GEMIN6: variants seen among roughly 807,000 people sequenced by gnomAD.
GEMIN6 encodes gem nuclear organelle associated protein 6.
GEMIN6 carries 13 observed loss-of-function variants against 14.1 expected under a neutral mutation model. The ratio of observed to expected loss-of-function variants is 0.92; its 90% CI spans 0.60 to 1.46. The LOEUF is 1.46. Among genes scored for constraint, GEMIN6 ranks in the 40% most tolerant of loss-of-function variants. The pLI is 0.00. For missense variants in GEMIN6, 271 were observed against 202.4 expected (o/e 1.34, Z -2.06); for synonymous variants, 87 against 70.0 (o/e 1.24, Z -1.21).
intron 2 of GEMIN6, 81 bp downstream of exon 2, chr2:38,779,199 TAAATG>T: frequency 7.4e-7 from 1 of 1,345,792 alleles, no homozygotes; most frequent in Non-Finnish European, 1.0e-6. Context: ...AGAAAGCAGA[TAAATG>T]AAAAGCTAAT....
chr2:38,782,008 TTTG>T lies in GEMIN6; in HGVS notation c.*122_*124del. The T allele has an allele frequency of 2.8e-6, 3 of 1,063,794 alleles. No individual in the cohort carries two copies. Among genetic ancestry groups the T allele is most frequent in the South Asian group, 3.5e-5 (2 of 57,220 alleles). The allele number at this position is 1,063,794 out of a possible 1,614,324, so 65.9% of individuals were successfully genotyped here. The stretch of plus-strand genomic sequence containing the variant: ...GTGTATGTGTGTGTGTGTATAATTC[TTTG>T]TTGTTTTGGTAAAATCAGAGGAGTG... On this transcript the variant is annotated 3_prime_UTR_variant, in exon 3 of 3. Coordinates refer to ENST00000281950, the MANE Select transcript of GEMIN6 (RefSeq NM_024775.10).
At chr2:38,778,853 C>A (rs1192967002) in intron 1 of GEMIN6, 119 bp from the exon 2 acceptor site, 2 of 757,236 alleles carry the variant, frequency 2.6e-6, no homozygotes, top group Non-Finnish European at 4.2e-6. Context: ...TATTAAGTTA[C>A]TTATTACGAA....
Position 38,782,660 on chromosome 2 carries a change from G to A in GEMIN6, c.*768G>A, listed in dbSNP as rs1669117263. On this transcript the variant is annotated 3_prime_UTR_variant, in exon 3 of 3. Transcript: ENST00000281950. ...AATACAAAAAAAATTAGCCGGGCGT[G>A]GTGGCAGGTGCCTGTAGTCCCAGCT... 1.3e-5 allele frequency: 2 copies of A among 151,568 alleles called. No individual in the cohort carries two copies. Among genetic ancestry groups the A allele is most frequent in the East Asian group, 4.1e-4 (2 of 4,926 alleles). 9.4% of individuals were successfully genotyped at this position (151,568 alleles called of 1,614,324 possible).
rs374104532 is a variant in GEMIN6, at chr2:38,778,239, C to T, written c.-62C>T. 1 of 152,198 alleles carries T rather than the reference C, an allele frequency of 6.6e-6. No homozygotes were observed. Among genetic ancestry groups the T allele is most frequent in the South Asian group, 2.1e-4 (1 of 4,828 alleles). The allele number at this position is 152,198 out of a possible 1,614,324, so 9.4% of individuals were successfully genotyped here. A position where few individuals can be genotyped will look rare whatever the true frequency, so the allele number is the denominator to read the frequency against. Reference sequence around the variant, plus strand: ...TCCGCTCAACGATCCTTCCTCAAAGCATGGTTGCTGAGTACCCAGAGTTGC... The same window carrying T: ...TCCGCTCAACGATCCTTCCTCAAAGTATGGTTGCTGAGTACCCAGAGTTGC... On this transcript the variant is annotated 5_prime_UTR_variant, in exon 1 of 3. Transcript: ENST00000281950.
At position 38,783,986 on chromosome 2, in the gene GEMIN6, G is replaced by A. The variant is rs1426065089; in HGVS notation, c.*2094G>A. Reference sequence around the variant, plus strand: ...GACCCAGGAATTTGCATTTCCAACAGACTCCCAGATAATGATGTTACCGTT... The same window carrying A: ...GACCCAGGAATTTGCATTTCCAACAAACTCCCAGATAATGATGTTACCGTT... On this transcript the variant is annotated 3_prime_UTR_variant, in exon 3 of 3. Coordinates refer to ENST00000281950, the MANE Select transcript of GEMIN6 (RefSeq NM_024775.10). 6.6e-6 allele frequency: 1 copy of A among 152,144 alleles called. No individual in the cohort carries two copies. Among genetic ancestry groups the A allele is most frequent in the Non-Finnish European group, 1.5e-5 (1 of 68,028 alleles). 9.4% of individuals were successfully genotyped at this position (152,144 alleles called of 1,614,324 possible). A position where few individuals can be genotyped will look rare whatever the true frequency, so the allele number is the denominator to read the frequency against.
rs111353158 is a variant in GEMIN6 at position 38,781,441 on chromosome 2, C to T, written c.129-76C>T. 9.3e-4 allele frequency: 1,258 copies of T among 1,357,072 alleles called. 14 individuals carry two copies. In the African/African-American group the frequency reaches 0.016, roughly 18 times the overall value. The allele number at this position is 1,357,072 out of a possible 1,614,324, so 84.1% of individuals were successfully genotyped here. A position where few individuals can be genotyped will look rare whatever the true frequency, so the allele number is the denominator to read the frequency against. Reference sequence around the variant, plus strand: ...CATTGGTGACAGGATTAATTTCAAACAGAGTAGAGTGTCATCTATTATTTT... The same window carrying T: ...CATTGGTGACAGGATTAATTTCAAATAGAGTAGAGTGTCATCTATTATTTT... On this transcript the variant is annotated intron_variant, in intron 2 of 2. Transcript: ENST00000281950.
In GEMIN6 at chr2:38,783,707, G is replaced by A. The variant is rs116392449; in HGVS notation, c.*1815G>A. On this transcript the variant is annotated 3_prime_UTR_variant, in exon 3 of 3. Coordinates refer to ENST00000281950, the MANE Select transcript of GEMIN6 (RefSeq NM_024775.10). ...AACATAGCTATTTTCCTGCATAGTTGTCTAATAACAAGATGGTATAGCCCA... is the reference window on the plus strand; with the variant it reads ...AACATAGCTATTTTCCTGCATAGTTATCTAATAACAAGATGGTATAGCCCA... 3.3e-5 allele frequency: 5 copies of A among 152,174 alleles called. No individual in the cohort carries two copies. The highest frequency in any genetic ancestry group is 1.2e-4 in the African/African-American group (5 of 41,506). 9.4% of individuals were successfully genotyped at this position (152,174 alleles called of 1,614,324 possible).
rs768307045 is a variant in GEMIN6 at position 38,779,125 on chromosome 2, A to G, written c.128+7A>G. 8.7e-6 allele frequency: 14 copies of G among 1,609,086 alleles called. No individual in the cohort carries two copies. Among genetic ancestry groups the G allele is most frequent in the South Asian group, 6.6e-5 (6 of 90,286 alleles). ...CAGACCCAGTCTCTGCCAAGTGAGTATGCATCCTACTTGCCTGAAATCTTG... is the reference window on the plus strand; with the variant it reads ...CAGACCCAGTCTCTGCCAAGTGAGTGTGCATCCTACTTGCCTGAAATCTTG... On this transcript the variant is annotated splice_region_variant and intron_variant, in intron 2 of 2. Coordinates refer to ENST00000281950, the MANE Select transcript of GEMIN6 (RefSeq NM_024775.10).
At chr2:38,778,878 C>G in intron 1 of GEMIN6, 94 bp from the exon 2 acceptor site, 7 of 1,093,816 alleles carry the variant, frequency 6.4e-6, no homozygotes, top group Non-Finnish European at 9.1e-6. Context: ...AGGCAAATCA[C>G]AGATGTTCTC....
intron 2 of GEMIN6, among the ~76,000 whole-genome samples, chr2:38,779,664 ATT>A (rs1166903482): frequency 1.7e-3 from 36 of 20,710 alleles, no homozygotes; most frequent in African/African-American, 6.1e-3. Context: ...ATATATATAT[ATT>A]TTTTTTTTTT....
Position 38,781,615 on chromosome 2 carries a change from A to G in GEMIN6, c.227A>G (p.His76Arg), listed in dbSNP as rs1669087849. 1.2e-6 allele frequency: 2 copies of G among 1,614,236 alleles called. No homozygotes were observed. Among genetic ancestry groups the G allele is most frequent in the East Asian group, 2.2e-5 (1 of 44,888 alleles). ...QTVETMNEGD[H>R]RVREKLMHLF... is the part of the protein sequence containing the mutation. ...GTTGAAACTATGAATGAAGGGGACC[A>G]TAGAGTGAGGGAGAAGCTGATGCAT... is the stretch of plus-strand genomic sequence containing the variant. The change falls in exon 3 of 3, where the codon CAT becomes CGT. Residue 76 changes from histidine to arginine, a missense_variant. His to Arg is a conservative substitution (Grantham distance 29). Coordinates refer to ENST00000281950, the MANE Select transcript of GEMIN6 (RefSeq NM_024775.10).
intron 2 of GEMIN6, among the ~76,000 whole-genome samples, chr2:38,780,759 G>T (rs1364629745): frequency 1.3e-5 from 2 of 151,724 alleles, no homozygotes; most frequent in Admixed American, 1.3e-4. Flanking sequence ...CTCCTAAGTA[G>T]CTGGGATTAT....
intron 2 of GEMIN6, 82 bp from the exon 3 acceptor site, chr2:38,781,435 T>G (rs750979253): frequency 8.9e-5 from 120 of 1,343,336 alleles, no homozygotes; most frequent in Admixed American, 6.6e-4. Flanking sequence ...CAGGATTAAT[T>G]TCAAACAGAG....
intron 1 of GEMIN6, 28 bp from the exon 2 acceptor site, chr2:38,778,944 T>C (rs1387393249): frequency 1.8e-5 from 28 of 1,578,500 alleles, no homozygotes; most frequent in Non-Finnish European, 2.3e-5. Flanking sequence ...GTGGAACATA[T>C]ATTAACCAGC....
chr2:38,779,144 A>T, intron 2 of GEMIN6, 26 bp downstream of exon 2: 2 of 1,598,842 alleles, frequency 1.3e-6, no homozygotes, highest in African/African-American at 1.3e-5. Context: ...ACTTGCCTGA[A>T]ATCTTGACAC....
rs535358772 is a variant in GEMIN6 at position 38,779,334 on chromosome 2, G to T, written c.128+216G>T. The T allele has an allele frequency of 1.4e-4, 70 of 490,858 alleles. 2 individuals carry two copies. Among genetic ancestry groups the T allele is most frequent in the South Asian group, 1.3e-3 (69 of 53,446 alleles). 30.4% of individuals were successfully genotyped at this position (490,858 alleles called of 1,614,324 possible). On this transcript the variant is annotated intron_variant, in intron 2 of 2. Transcript: ENST00000281950. ...TAACCTCCACCTCGCAGGTTCAAGC[G>T]ATTCTCCTGCCTTAGCCTCCCGAGT...
rs1165430638 is a variant in GEMIN6, at chr2:38,782,676, A to C, written c.*784A>C. 6.6e-6 allele frequency: 1 copy of C among 151,332 alleles called. No homozygotes were observed. The highest frequency in any genetic ancestry group is 1.5e-5 in the Non-Finnish European group (1 of 67,898). The allele number at this position is 151,332 out of a possible 1,614,324, so 9.4% of individuals were successfully genotyped here. On this transcript the variant is annotated 3_prime_UTR_variant, in exon 3 of 3. Transcript: ENST00000281950. ...GCCGGGCGTGGTGGCAGGTGCCTGTAGTCCCAGCTACTCAGGAGGCTGAGG... is the reference window on the plus strand; with the variant it reads ...GCCGGGCGTGGTGGCAGGTGCCTGTCGTCCCAGCTACTCAGGAGGCTGAGG...
At position 38,781,666 on chromosome 2, in the gene GEMIN6, C is replaced by T; in HGVS notation, c.278C>T (p.Ala93Val). The change falls in exon 3 of 3, where the codon GCA becomes GTA. Residue 93 changes from alanine (A) to valine (V), a missense_variant. Transcript: ENST00000281950. ...TTGTTCACGTCTGGAGACTGCAAAG[C>T]ATACAGCCCAGAGGATCTGGAAGAG... ...MHLFTSGDCKAYSPEDLEERK... is the reference protein window; with the variant it reads ...MHLFTSGDCKVYSPEDLEERK... 1.9e-6 allele frequency: 3 copies of T among 1,614,160 alleles called. No individual in the cohort carries two copies. The highest frequency in any genetic ancestry group is 2.5e-6 in the Non-Finnish European group (3 of 1,180,024).
At chr2:38,780,051 G>A (rs1669044714) in intron 2 of GEMIN6, among the ~76,000 whole-genome samples, 1 of 151,162 alleles carries the variant, frequency 6.6e-6, no homozygotes, top group Admixed American at 6.6e-5. Context: ...GGGCATGGTG[G>A]CTCACGCCTG....
Sources: gnomAD v4.1 joint callset for allele counts (sites outside exome capture counted in the v4.1 genomes callset) on GRCh38, gnomAD v4.1.1 for gene constraint, MANE v1.5 for transcripts, NCBI Gene and HGNC (gene_info 2026-07-23, HGNC 2026-07-21) for gene names.